Variants in GRIK1 observed in about 807,000 individuals in gnomAD.
GRIK1 encodes the protein glutamate receptor ionotropic, kainate 1.
In GRIK1, 69 loss-of-function variants were observed where a neutral mutation model predicts 105.7. That is an observed-to-expected ratio of 0.65 (90% CI 0.54 to 0.80). The LOEUF is 0.80. Among genes scored for constraint, GRIK1 ranks in the 30% least tolerant of loss-of-function variants. The pLI is 0.00. For missense variants in GRIK1, 1,109 were observed against 1,167.3 expected (o/e 0.95, Z 0.73); for synonymous variants, 438 against 431.3 (o/e 1.02, Z -0.19).
intron 1 of GRIK1, among the ~76,000 whole-genome samples, chr21:29,730,700 G>A (rs2064596264): frequency 6.6e-6 from 1 of 151,962 alleles, no homozygotes; most frequent in African/African-American, 2.4e-5. Context: ...TCCTGGGTTT[G>A]TTTGCTCATT....
At chr21:29,799,683 C>T (rs2066651233) in intron 1 of GRIK1, among the ~76,000 whole-genome samples, 1 of 152,164 alleles carries the variant, frequency 6.6e-6, no homozygotes, top group Admixed American at 6.5e-5. Flanking sequence ...GCATGCACCA[C>T]CATGCCCGAC....
At chr21:29,609,114 A>G (rs987443572) in intron 7 of GRIK1, among the ~76,000 whole-genome samples, 1 of 143,008 alleles carries the variant, frequency 7.0e-6, no homozygotes, top group Non-Finnish European at 1.5e-5. Context: ...AATAATAAAT[A>G]AGATAAAAAG....
At chr21:29,552,554 A>T (rs781353851) in intron 16 of GRIK1, among the ~76,000 whole-genome samples, 40 of 152,044 alleles carry the variant, frequency 2.6e-4, no homozygotes, top group Non-Finnish European at 5.0e-4. Context: ...ATAATGATGG[A>T]TCCAAAGAAA....
chr21:29,681,222 G>A (rs1411200845), intron 3 of GRIK1, among the ~76,000 whole-genome samples: 1 of 152,228 alleles, frequency 6.6e-6, no homozygotes, highest in Admixed American at 6.5e-5. Context: ...GTCTTGGAAT[G>A]TATCCCCTTA....
In GRIK1 at chr21:29,620,806, G is replaced by GAT. The variant is rs780994882; in HGVS notation, c.1099-21871_1099-21870dup. On this transcript the variant is annotated intron_variant, in intron 7 of 17. Coordinates refer to ENST00000327783, the MANE Select transcript of GRIK1 (RefSeq NM_001330994.2). ...AGATATATATATCTATATATATATA[G>GAT]ATATATATATATAGTAATAATATAT... Among the ~76,000 whole-genome samples the GAT allele has an allele frequency of 1.7e-3, 174 of 105,228 alleles. 5 individuals carry two copies. In the East Asian group the frequency reaches 0.036, roughly 22 times the overall value. The allele number at this position is 105,228 out of a possible 152,430, so 69.0% of individuals were successfully genotyped here.
intron 1 of GRIK1, among the ~76,000 whole-genome samples, chr21:29,917,838 G>A (rs1009022659): frequency 4.6e-5 from 7 of 151,968 alleles, no homozygotes; most frequent in Admixed American, 4.6e-4. Flanking sequence ...TGAAACCAAA[G>A]ACATGTTTTT....
At chr21:29,611,138 C>T (rs991943950) in intron 7 of GRIK1, among the ~76,000 whole-genome samples, 2 of 152,134 alleles carry the variant, frequency 1.3e-5, no homozygotes, top group African/African-American at 4.8e-5. Context: ...GGATCATTGC[C>T]TAACAGGTCC....
chr21:29,758,887 C>T (rs1041896259), intron 1 of GRIK1: 3 of 153,120 alleles, frequency 2.0e-5, no homozygotes, highest in Admixed American at 1.3e-4. Flanking sequence ...TGCCTTTGAT[C>T]TGCTGTCTCT....
intron 1 of GRIK1, among the ~76,000 whole-genome samples, chr21:29,854,202 G>A (rs1195262959): frequency 6.6e-6 from 1 of 151,846 alleles, no homozygotes; most frequent in Non-Finnish European, 1.5e-5. Context: ...GAGGAGGAAA[G>A]AGAGAGAGAG....
chr21:29,929,310 A>C (rs1217532698), intron 1 of GRIK1, among the ~76,000 whole-genome samples: 1 of 152,202 alleles, frequency 6.6e-6, no homozygotes, highest in Non-Finnish European at 1.5e-5. Context: ...AATAATCGAG[A>C]ATCTACAAAA....
intron 1 of GRIK1, among the ~76,000 whole-genome samples, chr21:29,754,228 G>A (rs1404320537): frequency 2.0e-5 from 3 of 152,102 alleles, no homozygotes; most frequent in African/African-American, 7.2e-5. Context: ...TACTAATGAA[G>A]TTAAACAGAA....
chr21:29,682,229 C>A (rs965125078), intron 3 of GRIK1, among the ~76,000 whole-genome samples: 4 of 152,190 alleles, frequency 2.6e-5, no homozygotes, highest in African/African-American at 9.7e-5. Flanking sequence ...TATTCCATCA[C>A]CCTTTAGACT....
intron 1 of GRIK1, among the ~76,000 whole-genome samples, chr21:29,919,453 A>C (rs1247864532): frequency 6.6e-6 from 1 of 152,174 alleles, no homozygotes; most frequent in African/African-American, 2.4e-5. Flanking sequence ...TATTACAGCA[A>C]TCTGTAAGTA....
intron 1 of GRIK1, among the ~76,000 whole-genome samples, chr21:29,824,269 C>T (rs1348300353): frequency 6.6e-6 from 1 of 151,906 alleles, no homozygotes; most frequent in Non-Finnish European, 1.5e-5. Context: ...GATGGGGCCT[C>T]TAAGACATTT....
At chr21:29,836,867 G>A (rs2145985689) in intron 1 of GRIK1, among the ~76,000 whole-genome samples, 1 of 152,252 alleles carries the variant, frequency 6.6e-6, no homozygotes, top group East Asian at 1.9e-4. Flanking sequence ...GGGGCTGAGA[G>A]GAAAGAAGAA....
intron 1 of GRIK1, among the ~76,000 whole-genome samples, chr21:29,829,286 G>A (rs940898267): frequency 6.6e-6 from 1 of 152,182 alleles, no homozygotes; most frequent in South Asian, 2.1e-4. Flanking sequence ...TTATATGGAA[G>A]TATATTCTTC....
chr21:29,614,432 G>T (rs2061799260), intron 7 of GRIK1, among the ~76,000 whole-genome samples: 1 of 70,600 alleles, frequency 1.4e-5, no homozygotes, highest in South Asian at 4.5e-4. Flanking sequence ...TTTTTTTTTG[G>T]GACGGAGTTT....
At chr21:29,698,855 A>G (rs541772927) in intron 1 of GRIK1, among the ~76,000 whole-genome samples, 1 of 152,212 alleles carries the variant, frequency 6.6e-6, no homozygotes, top group Non-Finnish European at 1.5e-5. Context: ...GTCTTATGTG[A>G]ATATTTGTGC....
intron 1 of GRIK1, among the ~76,000 whole-genome samples, chr21:29,845,384 T>C (rs1162681537): frequency 6.6e-6 from 1 of 152,152 alleles, no homozygotes; most frequent in Non-Finnish European, 1.5e-5. Flanking sequence ...CTCATTCTTT[T>C]CTATTTTGTT....
Sources: allele counts gnomAD v4.1 joint callset (sites outside exome capture counted in the v4.1 genomes callset), GRCh38; gene constraint gnomAD v4.1.1; transcripts MANE v1.5; gene names NCBI Gene and HGNC (gene_info 2026-07-23, HGNC 2026-07-21).